CAMK2D: variants seen among roughly 807,000 people sequenced by gnomAD.
CAMK2D encodes the protein calcium/calmodulin dependent protein kinase II delta.
A neutral mutation model predicts 84.0 loss-of-function variants in CAMK2D; 37 were observed. The observed-to-expected ratio is 0.44, with a 90% CI of 0.34 to 0.58. The LOEUF (loss-of-function observed/expected upper bound fraction) is 0.58. CAMK2D is among the 20% of genes least tolerant of loss of function. The pLI, the probability that CAMK2D is intolerant of heterozygous loss-of-function variation, is 0.02. For synonymous variants in CAMK2D, 202 were observed against 212.5 expected, an observed-to-expected ratio of 0.95 and a Z score of 0.43; for missense variants, 448 against 652.5, an observed-to-expected ratio of 0.69 and a Z score of 3.41.
chr4:113,703,824 T>C (rs145909205), intron 2 of CAMK2D, among the ~76,000 whole-genome samples: 88 of 152,186 alleles, frequency 5.8e-4, no homozygotes, highest in African/African-American at 2.1e-3. Flanking sequence ...TCATGATGAA[T>C]GGATGATCTA....
intron 3 of CAMK2D, among the ~76,000 whole-genome samples, chr4:113,630,781 C>A (rs545738110): frequency 9.9e-5 from 15 of 152,256 alleles, no homozygotes; most frequent in African/African-American, 3.4e-4. Flanking sequence ...TGGCAAACAT[C>A]TGTTAGATGG....
intron 17 of CAMK2D, among the ~76,000 whole-genome samples, chr4:113,465,222 G>A (rs1221842751): frequency 1.3e-5 from 2 of 151,948 alleles, no homozygotes; most frequent in Non-Finnish European, 1.5e-5. Context: ...TTGTAGAAAC[G>A]GGGTCTTGTT....
chr4:113,681,447 T>A (rs2099345687), intron 2 of CAMK2D, among the ~76,000 whole-genome samples: 3 of 152,192 alleles, frequency 2.0e-5, no homozygotes, highest in Admixed American at 6.5e-5. Context: ...CCACCATGAT[T>A]GTAAGTTTCC....
At chr4:113,748,151 T>C (rs1321161721) in intron 2 of CAMK2D, among the ~76,000 whole-genome samples, 1 of 152,156 alleles carries the variant, frequency 6.6e-6, no homozygotes, top group Non-Finnish European at 1.5e-5. Flanking sequence ...CAGAACCCAG[T>C]AAACACTCCC....
chr4:113,747,394 T>C (rs143738432), intron 2 of CAMK2D, among the ~76,000 whole-genome samples: 35 of 151,790 alleles, frequency 2.3e-4, no homozygotes, highest in African/African-American at 5.1e-4. Flanking sequence ...TCATTAATCA[T>C]AAGATGATAT....
Position 113,761,724 on chromosome 4 carries a change from C to A in CAMK2D, c.-656G>T, listed in dbSNP as rs1165678189. On this transcript the variant is annotated 5_prime_UTR_variant, in exon 1 of 21. Transcript: ENST00000511664. ...ACGAGCCCGCGCGGCTTCAAGACGG[C>A]GCGGCGAGAGAAAGAGCGCTCGGCT... is the stretch of plus-strand genomic sequence containing the variant. 1 of 894,514 alleles carries A rather than the reference C, an allele frequency of 1.1e-6. No homozygotes were observed. The highest frequency in any genetic ancestry group is 1.3e-6 in the Non-Finnish European group (1 of 747,298). The allele number at this position is 894,514 out of a possible 1,614,324, so 55.4% of individuals were successfully genotyped here.
intron 3 of CAMK2D, among the ~76,000 whole-genome samples, chr4:113,620,708 A>G (rs2154276896): frequency 1.3e-5 from 2 of 152,114 alleles, no homozygotes; most frequent in East Asian, 3.9e-4. Flanking sequence ...GGATTTCACC[A>G]TGTTAGCCAG....
At position 113,611,998 on chromosome 4, in the gene CAMK2D, C is replaced by T. The variant is rs945734147; in HGVS notation, c.221-2792G>A. On this transcript the variant is annotated intron_variant, in intron 3 of 20. Transcript: ENST00000511664. ...CCTTCCTTCCTTTATTCCTTCCTTC[C>T]TATGTCCCACCCTACTTCCTTCCAC... Among the ~76,000 whole-genome samples the T allele has an allele frequency of 4.6e-5, 7 of 151,866 alleles. No individual in the cohort carries two copies. The South Asian group carries it at 6.2e-4, about 14-fold the overall frequency.
At chr4:113,465,725 C>G (rs935203940) in intron 16 of CAMK2D, 121 bp from the exon 17 acceptor site, 4 of 639,496 alleles carry the variant, frequency 6.3e-6, no homozygotes, top group Admixed American at 2.4e-5. Flanking sequence ...AGTACAGTAG[C>G]GCAATCACAG....
chr4:113,555,096 G>A (rs2098655851), intron 4 of CAMK2D, among the ~76,000 whole-genome samples: 2 of 152,268 alleles, frequency 1.3e-5, no homozygotes, highest in East Asian at 1.9e-4. Flanking sequence ...TGTTTCTAGT[G>A]TACAATTTGC....
intron 6 of CAMK2D, among the ~76,000 whole-genome samples, chr4:113,541,940 T>C (rs2098532706): frequency 6.6e-6 from 1 of 152,238 alleles, no homozygotes; most frequent in South Asian, 2.1e-4. Flanking sequence ...TATTTTTGTG[T>C]GGAATTAATG....
At chr4:113,488,693 C>G (rs1426857021) in intron 16 of CAMK2D, among the ~76,000 whole-genome samples, 1 of 152,064 alleles carries the variant, frequency 6.6e-6, no homozygotes, top group Admixed American at 6.6e-5. Context: ...GTGGATAGTT[C>G]TAAAACTCAT....
intron 6 of CAMK2D, among the ~76,000 whole-genome samples, chr4:113,539,067 T>C (rs1386415557): frequency 6.6e-6 from 1 of 152,204 alleles, no homozygotes; most frequent in African/African-American, 2.4e-5. Flanking sequence ...CTTGAAATTA[T>C]TTGGAACTTT....
chr4:113,610,025 A>G (rs893125996), intron 3 of CAMK2D, among the ~76,000 whole-genome samples: 3 of 151,924 alleles, frequency 2.0e-5, no homozygotes, highest in African/African-American at 7.3e-5. Flanking sequence ...ATAGAGAGTG[A>G]ATTCTTTTTT....
At chr4:113,708,880 T>C (rs1410747831) in intron 2 of CAMK2D, among the ~76,000 whole-genome samples, 1 of 152,002 alleles carries the variant, frequency 6.6e-6, no homozygotes, top group Non-Finnish European at 1.5e-5. Context: ...ATGCACCATG[T>C]CTGGCTAGTT....
chr4:113,747,795 C>G (rs2099607965), intron 2 of CAMK2D, among the ~76,000 whole-genome samples: 1 of 152,112 alleles, frequency 6.6e-6, no homozygotes, highest in African/African-American at 2.4e-5. Flanking sequence ...ATTCTACAAT[C>G]TGCCTTATTT....
chr4:113,580,481 T>C (rs1469382318), intron 4 of CAMK2D, among the ~76,000 whole-genome samples: 1 of 152,210 alleles, frequency 6.6e-6, no homozygotes, highest in East Asian at 1.9e-4. Flanking sequence ...GATATAACTG[T>C]CTCTCTAGTT....
intron 16 of CAMK2D, among the ~76,000 whole-genome samples, chr4:113,493,847 T>C (rs1331925720): frequency 6.6e-6 from 1 of 152,146 alleles, no homozygotes; most frequent in Non-Finnish European, 1.5e-5. Flanking sequence ...CATTTCTTTT[T>C]ATTCTTTTTT....
In CAMK2D at chr4:113,646,996, A is replaced by T. The variant is rs147812963; in HGVS notation, c.220+14717T>A. Among the ~76,000 whole-genome samples, 673 of 152,378 alleles carry T rather than the reference A, an allele frequency of 4.4e-3. 5 individuals are homozygous for T. Among genetic ancestry groups the T allele is most frequent in the African/African-American group, 0.015 (630 of 41,588 alleles). On this transcript the variant is annotated intron_variant, in intron 3 of 20. Coordinates refer to ENST00000511664, the MANE Select transcript of CAMK2D (RefSeq NM_001321571.2). Reference sequence around the variant, plus strand: ...GTTTTCTAGTTTACCGAAAAACCTCATGATAGCCTTACATAATTTTTTAAA... The same window carrying T: ...GTTTTCTAGTTTACCGAAAAACCTCTTGATAGCCTTACATAATTTTTTAAA...
Sources: allele counts gnomAD v4.1 joint callset (sites outside exome capture counted in the v4.1 genomes callset), GRCh38; gene constraint gnomAD v4.1.1; transcripts MANE v1.5; gene names NCBI Gene and HGNC (gene_info 2026-07-23, HGNC 2026-07-21).